DNAJB6: variants seen among roughly 807,000 people sequenced by gnomAD.
DNAJB6 encodes the protein dnaJ homolog subfamily B member 6.
DNAJB6 carries 16 observed loss-of-function variants against 42.7 expected under a neutral mutation model. The ratio of observed to expected loss-of-function variants is 0.37; its 90% CI spans 0.25 to 0.57. DNAJB6 has a LOEUF of 0.57. Among genes scored for constraint, DNAJB6 ranks in the 20% least tolerant of loss-of-function variants. The pLI, the probability that DNAJB6 is intolerant of heterozygous loss-of-function variation, is 0.74. For synonymous variants in DNAJB6, 170 were observed against 163.5 expected (o/e 1.04, Z -0.30); for missense variants, 347 against 416.8 (o/e 0.83, Z 1.46).
chr7:157,363,032 A>G (rs1027313356), intron 2 of DNAJB6, 129 bp from the exon 3 acceptor site: 41 of 575,060 alleles, frequency 7.1e-5, no homozygotes, highest in Non-Finnish European at 1.1e-4. Context: ...GAGGTTTTAC[A>G]GTTAAAACCA....
intron 1 of DNAJB6, among the ~76,000 whole-genome samples, chr7:157,350,814 CGAG>C (rs1563112829): frequency 2.1e-4 from 32 of 150,228 alleles, no homozygotes; most frequent in African/African-American, 7.1e-4. Context: ...CTCAGCCTCC[CGAG>C]TCTTAGCTGG....
chr7:157,391,659 A>G lies in DNAJB6; in HGVS notation c.691+6048A>G, dbSNP rs77386530. ...GGCAGCACCCACTGGGTCTCAGCCC[A>G]AGTCTTCCGTGGATCCTGGCAAAAT... On this transcript the variant is annotated intron_variant, in intron 8 of 9. Transcript: ENST00000262177. Among the ~76,000 whole-genome samples, 620 of 152,370 alleles carry G rather than the reference A, an allele frequency of 4.1e-3. 1 individual carries two copies. Among genetic ancestry groups the G allele is most frequent in the Non-Finnish European group, 7.5e-3 (509 of 68,034 alleles).
chr7:157,370,414 C>T (rs141311189), intron 5 of DNAJB6, among the ~76,000 whole-genome samples: 1 of 152,142 alleles, frequency 6.6e-6, no homozygotes, highest in Non-Finnish European at 1.5e-5. Flanking sequence ...TGGGCCCTTT[C>T]TTAACATTAT....
intron 1 of DNAJB6, among the ~76,000 whole-genome samples, chr7:157,356,173 G>T (rs1382974134): frequency 6.6e-6 from 1 of 152,226 alleles, no homozygotes; most frequent in Non-Finnish European, 1.5e-5. Flanking sequence ...TGTTCTGTTA[G>T]TGAGAGTGGA....
At chr7:157,343,590 C>G (rs1046532065) in intron 1 of DNAJB6, among the ~76,000 whole-genome samples, 7 of 152,060 alleles carry the variant, frequency 4.6e-5, no homozygotes, top group Non-Finnish European at 1.0e-4. Flanking sequence ...TCACCTGGAA[C>G]TACAGGCGCC....
chr7:157,380,019 G>C lies in DNAJB6; in HGVS notation c.347-2227G>C, dbSNP rs1306761128. The C allele has an allele frequency of 3.9e-5, 6 of 151,944 alleles. No homozygotes were observed. The East Asian group carries it at 1.2e-3, about 29-fold the overall frequency. The allele number at this position is 151,944 out of a possible 1,614,324, so 9.4% of individuals were successfully genotyped here. A position where few individuals can be genotyped will look rare whatever the true frequency, so the allele number is the denominator to read the frequency against. ...AGTAGAGACAGGGTTTTACCATGTTGGCCAGGCTGGTCTCAAACTCCTGAC... is the reference window on the plus strand; with the variant it reads ...AGTAGAGACAGGGTTTTACCATGTTCGCCAGGCTGGTCTCAAACTCCTGAC... On this transcript the variant is annotated intron_variant, in intron 5 of 9. Coordinates refer to ENST00000262177, the MANE Select transcript of DNAJB6 (RefSeq NM_058246.4).
rs912519671 is a variant in DNAJB6, at chr7:157,367,276, ATTAG to A, written c.236-94_236-91del. On this transcript the variant is annotated intron_variant, in intron 4 of 9. Transcript: ENST00000262177. ...AGGTTTATGAAATATTTTTGTTTTTATTAGTTCATGATTTGTATAATGTTTTGTC... is the reference window on the plus strand; with the variant it reads ...AGGTTTATGAAATATTTTTGTTTTTATTCATGATTTGTATAATGTTTTGTC... The A allele has an allele frequency of 7.6e-5, 63 of 825,466 alleles. No homozygotes were observed. The African/African-American group carries it at 9.8e-4, about 13-fold the overall frequency. The allele number at this position is 825,466 out of a possible 1,614,324, so 51.1% of individuals were successfully genotyped here.
chr7:157,350,805 T>G (rs971645653), intron 1 of DNAJB6, among the ~76,000 whole-genome samples: 3 of 151,972 alleles, frequency 2.0e-5, no homozygotes, highest in African/African-American at 7.3e-5. Context: ...GTCTCCTGCC[T>G]CAGCCTCCCG....
intron 8 of DNAJB6, chr7:157,386,441 GTA>G (rs1238675058): frequency 5.7e-6 from 2 of 351,594 alleles, no homozygotes; most frequent in Non-Finnish European, 8.0e-6. Flanking sequence ...ATTTTCTTCA[GTA>G]TATTTGAAGT....
intron 8 of DNAJB6, among the ~76,000 whole-genome samples, chr7:157,394,765 G>A (rs1332101420): frequency 6.6e-6 from 1 of 152,040 alleles, no homozygotes; most frequent in Non-Finnish European, 1.5e-5. Flanking sequence ...CATCACAAGA[G>A]CAGATTTTGT....
intron 8 of DNAJB6, among the ~76,000 whole-genome samples, chr7:157,393,597 C>T (rs992167537): frequency 2.0e-5 from 3 of 152,356 alleles, no homozygotes; most frequent in East Asian, 3.9e-4. Context: ...CGTCCATGCC[C>T]TGCCTACCCC....
At chr7:157,376,466 C>A (rs1224571574) in intron 5 of DNAJB6, among the ~76,000 whole-genome samples, 1 of 152,170 alleles carries the variant, frequency 6.6e-6, no homozygotes, top group Non-Finnish European at 1.5e-5. Context: ...AAGAGTCAAA[C>A]TGTAAAATAT....
intron 5 of DNAJB6, among the ~76,000 whole-genome samples, chr7:157,377,508 CGT>C (rs765117381): frequency 1.3e-5 from 2 of 151,972 alleles, no homozygotes; most frequent in Non-Finnish European, 2.9e-5. Flanking sequence ...GGGGGAGAAA[CGT>C]GTATTACAAG....
intron 8 of DNAJB6, among the ~76,000 whole-genome samples, chr7:157,394,965 C>T (rs1801513090): frequency 6.6e-6 from 1 of 152,150 alleles, no homozygotes; most frequent in South Asian, 2.1e-4. Flanking sequence ...GGGGTGCACG[C>T]CTCTAGTCCC....
chr7:157,409,304 G>A (rs748421566), intron 8 of DNAJB6, among the ~76,000 whole-genome samples: 19 of 152,198 alleles, frequency 1.2e-4, no homozygotes, highest in Non-Finnish European at 2.6e-4. Context: ...TGCCTTGGGC[G>A]GGGCTGTGGC....
intron 1 of DNAJB6, among the ~76,000 whole-genome samples, chr7:157,344,163 A>AC (rs1319541051): frequency 6.6e-6 from 1 of 152,082 alleles, no homozygotes; most frequent in East Asian, 1.9e-4. Flanking sequence ...GCATGGTGAA[A>AC]CCCCATCTCT....
intron 8 of DNAJB6, among the ~76,000 whole-genome samples, chr7:157,399,671 CTG>C (rs1801756036): frequency 6.6e-6 from 1 of 152,044 alleles, no homozygotes; most frequent in Admixed American, 6.6e-5. Flanking sequence ...CTCTCTCTAT[CTG>C]TATTTTTTTT....
Position 157,417,383 on chromosome 7 carries a change from C to T in DNAJB6, c.*1285C>T, listed in dbSNP as rs1796126864. 6.6e-6 allele frequency: 1 copy of T among 152,198 alleles called. No individual in the cohort carries two copies. The highest frequency in any genetic ancestry group is 2.4e-5 in the African/African-American group (1 of 41,450). The allele number at this position is 152,198 out of a possible 1,614,324, so 9.4% of individuals were successfully genotyped here. On this transcript the variant is annotated 3_prime_UTR_variant, in exon 10 of 10. Coordinates refer to ENST00000262177, the MANE Select transcript of DNAJB6 (RefSeq NM_058246.4). ...TTTCTGTGGACAATGTAACCCTAAACACATCATGTATTTTAAATGCCACCT... is the reference window on the plus strand; with the variant it reads ...TTTCTGTGGACAATGTAACCCTAAATACATCATGTATTTTAAATGCCACCT...
At chr7:157,367,531 G>C in intron 5 of DNAJB6, 48 bp downstream of exon 5, 1 of 1,131,444 alleles carries the variant, frequency 8.8e-7, no homozygotes. Context: ...TGACCCAAAT[G>C]AGGGCTTACT....
Sources: allele counts gnomAD v4.1 joint callset (sites outside exome capture counted in the v4.1 genomes callset), GRCh38; gene constraint gnomAD v4.1.1; transcripts MANE v1.5; gene names NCBI Gene and HGNC (gene_info 2026-07-23, HGNC 2026-07-21).